Variants in HCRTR2 observed in about 807,000 individuals in gnomAD.
HCRTR2 encodes the protein hypocretin receptor 2, also known as orexin receptor type 2.
In HCRTR2, 22 loss-of-function variants were observed where a neutral mutation model predicts 49.0. The ratio of observed to expected loss-of-function variants is 0.45; its 90% CI spans 0.32 to 0.64. The LOEUF is 0.64. HCRTR2 is among the 30% of genes least tolerant of loss of function. The pLI is 0.04. For synonymous variants in HCRTR2, 236 were observed against 205.3 expected, an observed-to-expected ratio of 1.15 and a Z score of -1.28; for missense variants, 491 against 559.4, an observed-to-expected ratio of 0.88 and a Z score of 1.23.
At chr6:55,120,024 G>C (rs1281831416) in intron 1 of HCRTR2, among the ~76,000 whole-genome samples, 1 of 152,110 alleles carries the variant, frequency 6.6e-6, no homozygotes, top group African/African-American at 2.4e-5. Context: ...TTATTAAATA[G>C]GAAATATTCT....
intron 1 of HCRTR2, among the ~76,000 whole-genome samples, chr6:55,238,429 A>G (rs1487826799): frequency 6.6e-6 from 1 of 152,166 alleles, no homozygotes; most frequent in Non-Finnish European, 1.5e-5. Context: ...ATTCCGCCTA[A>G]GTAATCTTTG....
chr6:55,283,749 T>C (rs1157130130), downstream of HCRTR2, among the ~76,000 whole-genome samples: 3 of 152,256 alleles, frequency 2.0e-5, no homozygotes, highest in East Asian at 1.9e-4. Context: ...ACAAAAGATA[T>C]GGGGCACAGT....
At chr6:55,257,396 G>C (rs534442438) in intron 3 of HCRTR2, among the ~76,000 whole-genome samples, 1 of 152,094 alleles carries the variant, frequency 6.6e-6, no homozygotes, top group Admixed American at 6.6e-5. Context: ...GATTCCTTAA[G>C]TTTTATAGGG....
At chr6:55,201,551 T>C (rs1226867409) in intron 1 of HCRTR2, among the ~76,000 whole-genome samples, 1 of 152,176 alleles carries the variant, frequency 6.6e-6, no homozygotes, top group Non-Finnish European at 1.5e-5. Context: ...TGATTCTTTT[T>C]GCTCATTTAT....
chr6:55,157,461 T>C (rs994974188), intron 1 of HCRTR2, among the ~76,000 whole-genome samples: 9 of 152,348 alleles, frequency 5.9e-5, no homozygotes, highest in South Asian at 2.1e-4. Flanking sequence ...GAGAACTTGT[T>C]GCCCTGAAGG....
At chr6:55,179,451 C>T (rs1026230810) in intron 1 of HCRTR2, among the ~76,000 whole-genome samples, 1 of 152,026 alleles carries the variant, frequency 6.6e-6, no homozygotes, top group Non-Finnish European at 1.5e-5. Context: ...TACATTTTTG[C>T]TAAAATCATA....
intron 1 of HCRTR2, among the ~76,000 whole-genome samples, chr6:55,223,117 A>T (rs1765930042): frequency 6.6e-6 from 1 of 152,098 alleles, no homozygotes; most frequent in African/African-American, 2.4e-5. Context: ...TTTTGTTCTA[A>T]TGATCCATTT....
chr6:55,207,977 T>G (rs1765631220), intron 1 of HCRTR2, among the ~76,000 whole-genome samples: 1 of 152,166 alleles, frequency 6.6e-6, no homozygotes, highest in Non-Finnish European at 1.5e-5. Flanking sequence ...CTTGTCAACT[T>G]TTTTGTTTTA....
At chr6:55,149,391 T>C (rs1561987390) in intron 1 of HCRTR2, among the ~76,000 whole-genome samples, 1 of 152,096 alleles carries the variant, frequency 6.6e-6, no homozygotes, top group Non-Finnish European at 1.5e-5. Context: ...TGGCCACTCT[T>C]TCCAACAAGT....
chr6:55,202,716 C>T (rs547403793), intron 1 of HCRTR2, among the ~76,000 whole-genome samples: 1 of 151,636 alleles, frequency 6.6e-6, no homozygotes, highest in East Asian at 2.0e-4. Context: ...TCCCAAAGGG[C>T]CCACTTCCAA....
intron 1 of HCRTR2, among the ~76,000 whole-genome samples, chr6:55,184,924 G>T (rs547644848): frequency 8.5e-5 from 13 of 152,068 alleles, no homozygotes; most frequent in Non-Finnish European, 4.4e-5. Flanking sequence ...TCATCAATTC[G>T]GAATGAATTT....
intron 1 of HCRTR2, among the ~76,000 whole-genome samples, chr6:55,135,029 G>A (rs1479955843): frequency 6.6e-6 from 1 of 151,986 alleles, no homozygotes; most frequent in Non-Finnish European, 1.5e-5. Context: ...ACTTCAACAA[G>A]GATGAAGAAA....
chr6:55,239,542 CA>C (rs1221661810), intron 1 of HCRTR2, among the ~76,000 whole-genome samples: 1 of 152,112 alleles, frequency 6.6e-6, no homozygotes, highest in Non-Finnish European at 1.5e-5. Context: ...CCTTTCAAGA[CA>C]AATTATTAAT....
intron 3 of HCRTR2, among the ~76,000 whole-genome samples, chr6:55,262,752 G>A (rs1009285964): frequency 1.1e-5 from 1 of 94,034 alleles, no homozygotes; most frequent in Non-Finnish European, 2.0e-5. Flanking sequence ...ATATATATAT[G>A]TATTAGGTAG....
chr6:55,208,574 G>A (rs1765645641), intron 1 of HCRTR2, among the ~76,000 whole-genome samples: 1 of 151,918 alleles, frequency 6.6e-6, no homozygotes, highest in South Asian at 2.1e-4. Flanking sequence ...GCAAGATTAT[G>A]TCTTTTGATG....
chr6:55,120,090 G>C (rs959250257), intron 1 of HCRTR2, among the ~76,000 whole-genome samples: 1 of 152,098 alleles, frequency 6.6e-6, no homozygotes, highest in Non-Finnish European at 1.5e-5. Context: ...TAGATGTGTG[G>C]TGTTATTTCT....
At chr6:55,135,830 C>A (rs1447702791) in intron 1 of HCRTR2, among the ~76,000 whole-genome samples, 1 of 152,150 alleles carries the variant, frequency 6.6e-6, no homozygotes, top group Non-Finnish European at 1.5e-5. Flanking sequence ...CTTTTAACCA[C>A]AACCTAGAGG....
intron 1 of HCRTR2, among the ~76,000 whole-genome samples, chr6:55,132,326 T>C (rs886684308): frequency 6.6e-6 from 1 of 151,832 alleles, no homozygotes; most frequent in Admixed American, 6.6e-5. Flanking sequence ...GCAAGTAGGT[T>C]TTAGCCTTGA....
intron 1 of HCRTR2, among the ~76,000 whole-genome samples, chr6:55,224,152 T>G (rs1242337081): frequency 6.6e-6 from 1 of 152,246 alleles, no homozygotes; most frequent in African/African-American, 2.4e-5. Flanking sequence ...AATTTTGTTT[T>G]ATAAACATTA....
Sources: gnomAD v4.1 joint callset for allele counts (sites outside exome capture counted in the v4.1 genomes callset) on GRCh38, gnomAD v4.1.1 for gene constraint, MANE v1.5 for transcripts, NCBI Gene and HGNC (gene_info 2026-07-23, HGNC 2026-07-21) for gene names.